Variants in TNFSF8 observed in about 807,000 individuals in gnomAD.
TNFSF8 encodes tumor necrosis factor ligand superfamily member 8.
A neutral mutation model predicts 22.0 loss-of-function variants in TNFSF8; 4 were observed. That is an observed-to-expected ratio of 0.18 (90% CI 0.09 to 0.42). The LOEUF (loss-of-function observed/expected upper bound fraction) is 0.42, where lower values mean the gene tolerates loss of function less well. Ranked by LOEUF, TNFSF8 falls within the 10% of genes least tolerant of loss-of-function variation. The probability of loss-of-function intolerance (pLI) is 1.00; values close to 1 mark genes in which losing one functional copy is unlikely to be tolerated. For synonymous variants in TNFSF8, 106 were observed against 112.5 expected (o/e 0.94, Z 0.37); for missense variants, 233 against 281.8 (o/e 0.83, Z 1.24).
At chr9:114,900,457 CAT>C (rs1287795633), downstream of TNFSF8, among the ~76,000 whole-genome samples, 1 of 152,198 alleles carries the variant, frequency 6.6e-6, no homozygotes, top group African/African-American at 2.4e-5. Flanking sequence ...AGCCCAGTCT[CAT>C]ATTCCAATCT....
chr9:114,897,113 C>T (rs535195209), downstream of TNFSF8, among the ~76,000 whole-genome samples: 3 of 152,248 alleles, frequency 2.0e-5, no homozygotes, highest in East Asian at 5.8e-4. Context: ...GTTGGTCAGG[C>T]TGGTCTCGAA....
Position 114,903,795 on chromosome 9 carries a change from C to T in TNFSF8, c.*136G>A. On this transcript the variant is annotated 3_prime_UTR_variant, in exon 4 of 4. Coordinates refer to ENST00000223795, the MANE Select transcript of TNFSF8 (RefSeq NM_001244.4). ...CCTGGAGCTGTATCTTTCCAAGAGA[C>T]AGAAGGAGAAGTATACTATTTAATA... 1.4e-6 allele frequency: 2 copies of T among 1,429,054 alleles called. No individual in the cohort carries two copies. Among genetic ancestry groups the T allele is most frequent in the Middle Eastern group, 2.6e-4 (1 of 3,828 alleles). The allele number at this position is 1,429,054 out of a possible 1,614,324, so 88.5% of individuals were successfully genotyped here.
intron 2 of TNFSF8, among the ~76,000 whole-genome samples, chr9:114,906,244 G>GT (rs1339416565): frequency 1.3e-5 from 2 of 152,136 alleles, no homozygotes; most frequent in Admixed American, 6.6e-5. Context: ...TGTGAGAGGG[G>GT]TATTATTAAG....
At position 114,903,909 on chromosome 9, in the gene TNFSF8, C is replaced by T; in HGVS notation, c.*22G>A. On this transcript the variant is annotated 3_prime_UTR_variant, in exon 4 of 4. Coordinates refer to ENST00000223795, the MANE Select transcript of TNFSF8 (RefSeq NM_001244.4). ...CTGTATGGTAGAGAGGCGCTTTCTT[C>T]CTGAAGGCCAAGAGAAACTGTTCAG... 1 of 1,584,572 alleles carries T rather than the reference C, an allele frequency of 6.3e-7. No individual in the cohort carries two copies. Among genetic ancestry groups the T allele is most frequent in the Non-Finnish European group, 8.6e-7 (1 of 1,166,268 alleles).
intron 2 of TNFSF8, among the ~76,000 whole-genome samples, chr9:114,909,296 T>G: frequency 6.6e-6 from 1 of 152,190 alleles, no homozygotes; most frequent in Non-Finnish European, 1.5e-5. Context: ...GCAGCTGAAA[T>G]TCTGCAATGT....
chr9:114,897,169 G>A (rs534930070), downstream of TNFSF8, among the ~76,000 whole-genome samples: 22 of 152,214 alleles, frequency 1.4e-4, no homozygotes, highest in South Asian at 4.6e-3. Context: ...CCAAAGTGCT[G>A]GCATTACAGG....
intron 2 of TNFSF8, among the ~76,000 whole-genome samples, chr9:114,912,938 G>A (rs982042618): frequency 6.6e-6 from 1 of 152,228 alleles, no homozygotes; most frequent in Admixed American, 6.5e-5. Flanking sequence ...ATGTTAGAAT[G>A]TTAAAGTGGT....
chr9:114,901,003 A>G, downstream of TNFSF8: 2 of 983,084 alleles, frequency 2.0e-6, no homozygotes, highest in Non-Finnish European at 2.4e-6. Flanking sequence ...CTCACTTACC[A>G]TCTTCCTCTA....
Position 114,930,131 on chromosome 9 carries a change from A to T in TNFSF8, c.173T>A (p.Met58Lys). Residue 58 changes from methionine to lysine, a missense_variant, in exon 1 of 4, where the codon ATG becomes AAG. Transcript: ENST00000223795. ...LCLVFTVATI[M>K]VLVVQRTDSI... ...TACCGTCCTCTGAACGACCAACACC[A>T]TAATAGTGGCCACCGTGAAGACAAG... 6.4e-7 allele frequency: 1 copy of T among 1,570,580 alleles called. No homozygotes were observed. Among genetic ancestry groups the T allele is most frequent in the Non-Finnish European group, 8.6e-7 (1 of 1,158,794 alleles).
chr9:114,930,266 G>T lies in TNFSF8; in HGVS notation c.38C>A (p.Ala13Asp). ...ATGCATGGCTGTGTCTCCAGGAGGG[G>T]CCATTCCGTTGAGTGCTTGCTGCAG... The part of the protein sequence containing the change: ...PGLQQALNGM[A>D]PPGDTAMHVP... The change falls in exon 1 of 4, where the codon GCC becomes GAC. Residue 13 changes from alanine to aspartate, a missense_variant. Ala to Asp is a moderately radical substitution (Grantham distance 126). Transcript: ENST00000223795. 1.9e-6 allele frequency: 3 copies of T among 1,600,284 alleles called. No individual in the cohort carries two copies. Among genetic ancestry groups the T allele is most frequent in the Non-Finnish European group, 2.6e-6 (3 of 1,173,562 alleles).
chr9:114,909,680 G>A (rs893870425), intron 2 of TNFSF8, among the ~76,000 whole-genome samples: 1 of 152,182 alleles, frequency 6.6e-6, no homozygotes, highest in African/African-American at 2.4e-5. Flanking sequence ...GGGGTGGGAA[G>A]GTTTGGGATG....
At chr9:114,897,149 C>A (rs962039659), downstream of TNFSF8, among the ~76,000 whole-genome samples, 4 of 152,210 alleles carry the variant, frequency 2.6e-5, no homozygotes, top group Non-Finnish European at 5.9e-5. Flanking sequence ...GATCCACCCA[C>A]CTTGCCCTCC....
At chr9:114,896,606 C>T (rs1379618753), downstream of TNFSF8, among the ~76,000 whole-genome samples, 1 of 152,100 alleles carries the variant, frequency 6.6e-6, no homozygotes, top group East Asian at 1.9e-4. Context: ...AATATGTACA[C>T]TATTTTTGTG....
chr9:114,913,279 C>T (rs1466567627), intron 2 of TNFSF8, among the ~76,000 whole-genome samples: 2 of 152,178 alleles, frequency 1.3e-5, no homozygotes, highest in Non-Finnish European at 2.9e-5. Flanking sequence ...TTGGAGGCTA[C>T]ATTACATTTG....
chr9:114,898,273 A>G (rs1188423150), downstream of TNFSF8, among the ~76,000 whole-genome samples: 1 of 152,150 alleles, frequency 6.6e-6, no homozygotes, highest in Admixed American at 6.5e-5. Flanking sequence ...AAGTGCTGGG[A>G]TTACAGGCCT....
At chr9:114,926,937 T>C (rs1186669718) in intron 1 of TNFSF8, among the ~76,000 whole-genome samples, 2 of 147,420 alleles carry the variant, frequency 1.4e-5, no homozygotes, top group African/African-American at 4.9e-5. Context: ...AATATATCAA[T>C]ATATTATAAA....
chr9:114,930,559 T>C lies in TNFSF8; in HGVS notation c.-256A>G. ...GCAGAGAAACTAGCTACAGAGAAGGTGGCTGATGTCAGAGGGCGCGTAGGA... is the reference window on the plus strand; with the variant it reads ...GCAGAGAAACTAGCTACAGAGAAGGCGGCTGATGTCAGAGGGCGCGTAGGA... On this transcript the variant is annotated 5_prime_UTR_variant, in exon 1 of 4. Coordinates refer to ENST00000223795, the MANE Select transcript of TNFSF8 (RefSeq NM_001244.4). The C allele has an allele frequency of 2.9e-6, 1 of 347,688 alleles. No homozygotes were observed. Among genetic ancestry groups the C allele is most frequent in the East Asian group, 4.7e-5 (1 of 21,068 alleles). 21.5% of individuals were successfully genotyped at this position (347,688 alleles called of 1,614,324 possible). A position where few individuals can be genotyped will look rare whatever the true frequency, so the allele number is the denominator to read the frequency against.
chr9:114,907,526 A>T (rs1003755658), intron 2 of TNFSF8, among the ~76,000 whole-genome samples: 1 of 152,186 alleles, frequency 6.6e-6, no homozygotes, highest in Non-Finnish European at 1.5e-5. Context: ...GTCTGTTTGC[A>T]TGGAAGCCCT....
chr9:114,906,255 C>T (rs1224750594), intron 2 of TNFSF8, among the ~76,000 whole-genome samples: 1 of 152,090 alleles, frequency 6.6e-6, no homozygotes, highest in Admixed American at 6.6e-5. Flanking sequence ...TATTATTAAG[C>T]CCCTTTTACA....
Sources: allele counts gnomAD v4.1 joint callset (sites outside exome capture counted in the v4.1 genomes callset), GRCh38; gene constraint gnomAD v4.1.1; transcripts MANE v1.5; gene names NCBI Gene and HGNC (gene_info 2026-07-23, HGNC 2026-07-21).